SEL1L3: variants seen among roughly 807,000 people sequenced by gnomAD.
The protein encoded by SEL1L3 is protein sel-1 homolog 3.
Under a neutral mutation model 142.8 loss-of-function variants are expected in SEL1L3, and 76 were observed. The observed-to-expected ratio is 0.53, with a 90% CI of 0.44 to 0.64. SEL1L3 has a LOEUF of 0.64. Ranked by LOEUF, SEL1L3 falls within the 30% of genes least tolerant of loss-of-function variation. The probability of loss-of-function intolerance (pLI) is 0.00; values close to 1 mark genes in which losing one functional copy is unlikely to be tolerated. For synonymous variants in SEL1L3, 504 were observed against 519.6 expected (o/e 0.97, Z 0.41); for missense variants, 1,262 against 1,381.7 (o/e 0.91, Z 1.37).
chr4:25,819,040 C>G (rs1277103591), intron 8 of SEL1L3, among the ~76,000 whole-genome samples: 1 of 152,190 alleles, frequency 6.6e-6, no homozygotes, highest in Non-Finnish European at 1.5e-5. Flanking sequence ...ACTCAATTCG[C>G]TTTTGCTGAT....
the SEL1L3 span, among the ~76,000 whole-genome samples, chr4:25,733,437 C>T: frequency 4.9e-4 from 73 of 150,386 alleles, no homozygotes; most frequent in Non-Finnish European, 8.9e-4. Context: ...CATATCAAAA[C>T]ATAATTTTTT....
rs922610244 is a variant in SEL1L3, at chr4:25,847,636, T to A, written c.391A>T (p.Arg131Trp). 3 of 1,613,242 alleles carry A rather than the reference T, an allele frequency of 1.9e-6. No individual in the cohort carries two copies. The highest frequency in any genetic ancestry group is 3.3e-5 in the Admixed American group (2 of 60,024). ...FRSSIPVYKK[R>W]WKNEKHLHTS... ...TGAAGATGTTTCTCATTCTTCCACCTTTTTTTGTACACGGGAATGCTACTT... is the reference window on the plus strand; with the variant it reads ...TGAAGATGTTTCTCATTCTTCCACCATTTTTTGTACACGGGAATGCTACTT... The change falls in exon 2 of 24, where the codon AGG (arginine) becomes TGG (tryptophan). Residue 131 changes from arginine (R) to tryptophan (W), a missense_variant. Around this residue, in one of 3 missense-constraint regions of SEL1L3, gnomAD observed 689 missense variants for 692.8 expected, o/e 0.99. Coordinates refer to ENST00000399878, the MANE Select transcript of SEL1L3 (RefSeq NM_015187.5).
the SEL1L3 span, among the ~76,000 whole-genome samples, chr4:25,723,671 G>A: frequency 6.6e-6 from 1 of 152,110 alleles, no homozygotes; most frequent in Non-Finnish European, 1.5e-5. Flanking sequence ...CCAGAAGAGG[G>A]TTTGTAAATA....
chr4:25,762,334 A>G (rs1718427591), intron 20 of SEL1L3, among the ~76,000 whole-genome samples: 1 of 152,262 alleles, frequency 6.6e-6, no homozygotes, highest in Non-Finnish European at 1.5e-5. Flanking sequence ...AAATATGGAA[A>G]TATAAAAATA....
chr4:25,742,849 T>C (rs1372529150), downstream of SEL1L3, among the ~76,000 whole-genome samples: 1 of 152,154 alleles, frequency 6.6e-6, no homozygotes, highest in Non-Finnish European at 1.5e-5. Context: ...TCTCCCTCTA[T>C]CAGGCAGCAG....
At chr4:25,714,147 T>C in the SEL1L3 span, among the ~76,000 whole-genome samples, 6 of 152,214 alleles carry the variant, frequency 3.9e-5, no homozygotes, top group East Asian at 1.9e-4. Flanking sequence ...CAGATGAATT[T>C]TGGGGGGACT....
At chr4:25,740,293 G>A in the SEL1L3 span, among the ~76,000 whole-genome samples, 1 of 69,004 alleles carries the variant, frequency 1.4e-5, no homozygotes, top group Non-Finnish European at 3.2e-5. Context: ...AATTAGCTGG[G>A]CATGGTGGCC....
intron 1 of SEL1L3, among the ~76,000 whole-genome samples, chr4:25,849,487 C>T (rs1716747129): frequency 6.6e-6 from 1 of 152,070 alleles, no homozygotes; most frequent in Non-Finnish European, 1.5e-5. Context: ...GTCAAACTCA[C>T]AGAGACAGAA....
chr4:25,719,124 C>T, the SEL1L3 span: 4 of 152,066 alleles, frequency 2.6e-5, no homozygotes, highest in Admixed American at 6.5e-5. Flanking sequence ...TGCGGTGAGC[C>T]GAGATCGTGC....
intron 11 of SEL1L3, among the ~76,000 whole-genome samples, chr4:25,791,210 T>C (rs933838065): frequency 2.0e-5 from 3 of 152,264 alleles, no homozygotes; most frequent in African/African-American, 7.2e-5. Flanking sequence ...ACTAACCTCT[T>C]TTATTTCGCA....
chr4:25,776,138 A>G (rs1359011804), intron 17 of SEL1L3, 139 bp downstream of exon 17: 1 of 602,732 alleles, frequency 1.7e-6, no homozygotes, highest in South Asian at 2.2e-5. Flanking sequence ...CAATCAGTCC[A>G]TGATACTCTG....
At chr4:25,762,242 C>A (rs988803759) in intron 20 of SEL1L3, among the ~76,000 whole-genome samples, 2 of 152,212 alleles carry the variant, frequency 1.3e-5, no homozygotes, top group Non-Finnish European at 2.9e-5. Flanking sequence ...AGCCACTGTG[C>A]CCGGCCTCAT....
At chr4:25,770,501 A>C (rs1719083639) in intron 17 of SEL1L3, 2 of 152,252 alleles carry the variant, frequency 1.3e-5, no homozygotes, top group Admixed American at 6.5e-5. Context: ...GCACTTTGGG[A>C]GGCCAAGGCA....
At chr4:25,733,810 G>A in the SEL1L3 span, among the ~76,000 whole-genome samples, 3 of 151,994 alleles carry the variant, frequency 2.0e-5, no homozygotes, top group South Asian at 4.2e-4. Context: ...CCACCGCGTC[G>A]GGCCAGTTTG....
chr4:25,775,100 T>C (rs1719520360), intron 17 of SEL1L3, among the ~76,000 whole-genome samples: 1 of 152,116 alleles, frequency 6.6e-6, no homozygotes, highest in Non-Finnish European at 1.5e-5. Flanking sequence ...AAAGTCAAAT[T>C]TGGGAGTTTT....
At chr4:25,843,977 T>A (rs1487407339) in intron 2 of SEL1L3, among the ~76,000 whole-genome samples, 3 of 152,228 alleles carry the variant, frequency 2.0e-5, no homozygotes, top group African/African-American at 7.2e-5. Flanking sequence ...ACTCTTTTTA[T>A]ACATGAAAAG....
chr4:25,764,294 C>G (rs1346637060), intron 20 of SEL1L3, among the ~76,000 whole-genome samples: 1 of 152,098 alleles, frequency 6.6e-6, no homozygotes, highest in Non-Finnish European at 1.5e-5. Context: ...AATGTGGGAT[C>G]CTGGATTGAA....
At position 25,779,089 on chromosome 4, in the gene SEL1L3, C is replaced by G; in HGVS notation, c.2572G>C (p.Glu858Gln). Residue 858 changes from glutamate (E) to glutamine (Q), a missense_variant, in exon 16 of 24, where the codon GAG becomes CAG. Transcript: ENST00000399878. ...GNLETFPRDPEKAVVWAKHVA... is the reference protein window; with the variant it reads ...GNLETFPRDPQKAVVWAKHVA... ...ACAGAGTCTTACACAACAGCTTTCT[C>G]AGGATCTCTAGGGAATGTCTCCAGG... 6.2e-7 allele frequency: 1 copy of G among 1,613,534 alleles called. No homozygotes were observed. Among genetic ancestry groups the G allele is most frequent in the Non-Finnish European group, 8.5e-7 (1 of 1,179,598 alleles).
At chr4:25,841,527 G>C (rs552736468) in intron 2 of SEL1L3, among the ~76,000 whole-genome samples, 3 of 152,258 alleles carry the variant, frequency 2.0e-5, no homozygotes, top group African/African-American at 7.2e-5. Flanking sequence ...AATAAGTGTG[G>C]GGTTTGGGAA....
Sources: gnomAD v4.1 joint callset for allele counts (sites outside exome capture counted in the v4.1 genomes callset) on GRCh38, gnomAD v4.1.1 for gene constraint, gnomAD v4.1.1 regional missense constraint, MANE v1.5 for transcripts, NCBI Gene and HGNC (gene_info 2026-07-23, HGNC 2026-07-21) for gene names.